PUSL1: variants seen among roughly 807,000 people sequenced by gnomAD.
PUSL1 encodes pseudouridine synthase like 1, also known as tRNA pseudouridine synthase-like 1.
In PUSL1, 51 loss-of-function variants were observed where a neutral mutation model predicts 30.7. The ratio of observed to expected loss-of-function variants is 1.66; its 90% CI spans 1.33 to 2.10. The LOEUF (loss-of-function observed/expected upper bound fraction) is 2.10. Among genes scored for constraint, PUSL1 ranks in the 30% most tolerant of loss-of-function variants. The pLI, the probability that PUSL1 is intolerant of heterozygous loss-of-function variation, is 0.00. For synonymous variants in PUSL1, 290 were observed against 192.1 expected, an observed-to-expected ratio of 1.51 and a Z score of -4.21; for missense variants, 609 against 427.6, an observed-to-expected ratio of 1.42 and a Z score of -3.74.
At position 1,309,210 on chromosome 1, in the gene PUSL1, C is replaced by T. The variant is rs1045224696; in HGVS notation, c.260C>T (p.Pro87Leu). The T allele has an allele frequency of 2.1e-5, 32 of 1,522,782 alleles. No homozygotes were observed. Among genetic ancestry groups the T allele is most frequent in the Non-Finnish European group, 2.7e-5 (31 of 1,143,706 alleles). 94.3% of individuals were successfully genotyped at this position (1,522,782 alleles called of 1,614,324 possible). Reference sequence around the variant, plus strand: ...GACGTCCAGCGCCGCTCAGGCCGGCCGCCCTTCCCGCCCGAGGTCCTGGCC... The same window carrying T: ...GACGTCCAGCGCCGCTCAGGCCGGCTGCCCTTCCCGCCCGAGGTCCTGGCC... ...HLDVQRRSGRPPFPPEVLAEA... is the reference protein window; with the variant it reads ...HLDVQRRSGRLPFPPEVLAEA... The change falls in exon 3 of 8, where the codon CCG (proline) becomes CTG (leucine). Residue 87 changes from proline to leucine, a missense_variant. By Grantham distance (98) the Pro-to-Leu change is moderately conservative. Transcript: ENST00000379031.
intron 5 of PUSL1, 134 bp downstream of exon 5, chr1:1,309,985 G>GA: frequency 1.4e-6 from 1 of 704,656 alleles, no homozygotes; most frequent in Non-Finnish European, 2.3e-6. Context: ...TGGACAGCTG[G>GA]AGGGGATTCG....
Position 1,311,398 on chromosome 1 carries a change from A to C in PUSL1, c.*19A>C. The C allele has an allele frequency of 1.2e-6, 2 of 1,600,306 alleles. No individual in the cohort carries two copies. The highest frequency in any genetic ancestry group is 1.7e-6 in the Non-Finnish European group (2 of 1,174,160). ...CGGATGACCCTGGACACTCAAGCCAAAGTTAGGCCACACCAGGCCCAACCC... is the reference window on the plus strand; with the variant it reads ...CGGATGACCCTGGACACTCAAGCCACAGTTAGGCCACACCAGGCCCAACCC... On this transcript the variant is annotated 3_prime_UTR_variant, in exon 8 of 8. Transcript: ENST00000379031.
In PUSL1 at chr1:1,311,585, G is replaced by T. The variant is rs746666267; in HGVS notation, c.*206G>T. ...AGGACACAGCCATGTACACCAAGAA[G>T]AGAGTACCAAGTAGTCTTTTGTTCA... On this transcript the variant is annotated 3_prime_UTR_variant, in exon 8 of 8. Coordinates refer to ENST00000379031, the MANE Select transcript of PUSL1 (RefSeq NM_153339.3). The T allele has an allele frequency of 1.4e-6, 1 of 721,598 alleles. No individual in the cohort carries two copies. Among genetic ancestry groups the T allele is most frequent in the African/African-American group, 1.7e-5 (1 of 57,624 alleles). The allele number at this position is 721,598 out of a possible 1,614,324, so 44.7% of individuals were successfully genotyped here.
rs1272119566 is a variant in PUSL1, at chr1:1,309,239, G to A, written c.289G>A (p.Ala97Thr). Residue 97 changes from alanine to threonine, a missense_variant, in exon 3 of 8, where the codon GCC becomes ACC. By Grantham distance (58) the Ala-to-Thr change is moderately conservative. Transcript: ENST00000379031. ...PPFPPEVLAE[A>T]LNTHLRHPAI... ...CTTCCCGCCCGAGGTCCTGGCCGAG[G>A]CCCTCAACACACACCTGCGGCACCC... is the stretch of plus-strand genomic sequence containing the variant. 1 of 1,512,414 alleles carries A rather than the reference G, an allele frequency of 6.6e-7. No individual in the cohort carries two copies. The highest frequency in any genetic ancestry group is 1.3e-5 in the South Asian group (1 of 77,758). The allele number at this position is 1,512,414 out of a possible 1,614,324, so 93.7% of individuals were successfully genotyped here.
Position 1,311,476 on chromosome 1 carries a change from G to C in PUSL1, c.*97G>C, listed in dbSNP as rs777053548. ...GCTGCTTGGGGCCCACAGCACTGCT[G>C]CCTGGTCTCCACAGTAGCCTCCCTG... On this transcript the variant is annotated 3_prime_UTR_variant, in exon 8 of 8. Transcript: ENST00000379031. 1.6e-6 allele frequency: 2 copies of C among 1,283,206 alleles called. No homozygotes were observed. The highest frequency in any genetic ancestry group is 1.5e-5 in the African/African-American group (1 of 68,224). 79.5% of individuals were successfully genotyped at this position (1,283,206 alleles called of 1,614,324 possible).
In PUSL1 at chr1:1,308,988, C is replaced by T; in HGVS notation, c.135+16C>T. 7.1e-7 allele frequency: 1 copy of T among 1,403,684 alleles called. No homozygotes were observed. 87.0% of individuals were successfully genotyped at this position (1,403,684 alleles called of 1,614,324 possible). On this transcript the variant is annotated intron_variant, in intron 2 of 7. Transcript: ENST00000379031. ...CTACCTGGAGGTGCGCTCAGCCGGT[C>T]ACGGGACGCCCGGTGAGGGGTAAGG...
At chr1:1,311,260 G>A (rs1489568563) in intron 7 of PUSL1, 70 bp from the exon 8 acceptor site, 3 of 1,447,160 alleles carry the variant, frequency 2.1e-6, no homozygotes, top group Non-Finnish European at 2.8e-6. Flanking sequence ...TCATGGGAGT[G>A]GTCTCAGCGG....
At position 1,311,356 on chromosome 1, in the gene PUSL1, C is replaced by T; in HGVS notation, c.889C>T (p.Pro297Ser). The T allele has an allele frequency of 2.5e-6, 4 of 1,594,878 alleles. No homozygotes were observed. The highest frequency in any genetic ancestry group is 3.4e-6 in the Non-Finnish European group (4 of 1,168,954). The change falls in exon 8 of 8, where the codon CCA becomes TCA. Residue 297 changes from proline to serine, a missense_variant. Pro to Ser is a moderately conservative substitution (Grantham distance 74). Coordinates refer to ENST00000379031, the MANE Select transcript of PUSL1 (RefSeq NM_153339.3). ...TGCTGCCTCCTGCACCCTGCAGGGGCCACAGTTCGGGAGCCACGGATGACC... is the reference window on the plus strand; with the variant it reads ...TGCTGCCTCCTGCACCCTGCAGGGGTCACAGTTCGGGAGCCACGGATGACC... ...LGAASCTLQGPQFGSHG is the reference protein window; with the variant it reads ...LGAASCTLQGSQFGSHG
chr1:1,310,297 G>C, intron 5 of PUSL1: 2 of 387,602 alleles, frequency 5.2e-6, no homozygotes, highest in South Asian at 8.1e-5. Flanking sequence ...GCAGGTACAG[G>C]ACTGGGGGTC....
chr1:1,311,144 G>C, intron 7 of PUSL1, 73 bp downstream of exon 7: 1 of 1,529,508 alleles, frequency 6.5e-7, no homozygotes, highest in Non-Finnish European at 8.8e-7. Context: ...GGGGTGGGGG[G>C]CCAGGGGCCA....
rs140444081 is a variant in PUSL1, at chr1:1,311,071, G to A, written c.862G>A (p.Gly288Ser). Reference sequence around the variant, plus strand: ...CAAGTCAGTGCTGTACGGGAACCTCGGTAAGAAAAACAGGCACGAGAAGCT... The same window carrying A: ...CAAGTCAGTGCTGTACGGGAACCTCAGTAAGAAAAACAGGCACGAGAAGCT... ...FLKSVLYGNL[G>S]AASCTLQGPQ... Residue 288 changes from glycine (G) to serine (S), a missense_variant and splice_region_variant, in exon 7 of 8, where the codon GGT becomes AGT. Coordinates refer to ENST00000379031, the MANE Select transcript of PUSL1 (RefSeq NM_153339.3). 1.8e-4 allele frequency: 288 copies of A among 1,595,228 alleles called. No individual in the cohort carries two copies. Among genetic ancestry groups the A allele is most frequent in the Non-Finnish European group, 2.3e-4 (268 of 1,166,880 alleles).
Position 1,309,570 on chromosome 1 carries a change from T to C in PUSL1, c.440T>C (p.Phe147Ser), listed in dbSNP as rs748094039. The stretch of plus-strand genomic sequence containing the variant: ...CACCGGCGTGATGAGCTGCCGGTGT[T>C]TGAACGCAACCTATGCTGGACTCTC... ...GCHRRDELPVFERNLCWTLPA... is the reference protein window; with the variant it reads ...GCHRRDELPVSERNLCWTLPA... The change falls in exon 4 of 8, where the codon TTT becomes TCT. Residue 147 changes from phenylalanine to serine, a missense_variant. Physicochemically the swap from Phe to Ser is radical, Grantham distance 155. Transcript: ENST00000379031. 7 of 1,612,140 alleles carry C rather than the reference T, an allele frequency of 4.3e-6. No individual in the cohort carries two copies. Among genetic ancestry groups the C allele is most frequent in the South Asian group, 1.1e-5 (1 of 91,046 alleles).
At chr1:1,310,744 C>T in intron 6 of PUSL1, 56 bp downstream of exon 6, 1 of 1,603,302 alleles carries the variant, frequency 6.2e-7, no homozygotes, top group East Asian at 2.2e-5. Flanking sequence ...GGGCAGGCCC[C>T]TGTGCAGTCT....
chr1:1,309,312 C>A (rs1289984075), intron 3 of PUSL1, 39 bp downstream of exon 3: 5 of 1,456,256 alleles, frequency 3.4e-6, no homozygotes, highest in Non-Finnish European at 4.6e-6. Context: ...GCTGTGCCTT[C>A]CCGACTCCAT....
intron 7 of PUSL1, 63 bp from the exon 8 acceptor site, chr1:1,311,267 G>T (rs747650421): frequency 1.4e-6 from 2 of 1,467,248 alleles, no homozygotes; most frequent in African/African-American, 1.4e-5. Flanking sequence ...AGTGGTCTCA[G>T]CGGTGGGGAG....
Position 1,308,945 on chromosome 1 carries a change from C to T in PUSL1, c.108C>T (p.Arg36=), listed in dbSNP as rs1641924662. ...TCGCGGCCGTCAGGGGCACTCAGCG[C>T]GCCGTCGGGGTCCAGAACTACCTGG... ...NGVAAVRGTQ[R]AVGVQNYLEE... is the part of the protein sequence containing the mutation. Residue 36 remains arginine, a synonymous_variant, in exon 2 of 8, where the codon CGC becomes CGT. Coordinates refer to ENST00000379031, the MANE Select transcript of PUSL1 (RefSeq NM_153339.3). The T allele has an allele frequency of 4.2e-6, 6 of 1,420,848 alleles. No homozygotes were observed. The highest frequency in any genetic ancestry group is 2.9e-5 in the East Asian group (1 of 35,014). The allele number at this position is 1,420,848 out of a possible 1,614,324, so 88.0% of individuals were successfully genotyped here.
chr1:1,310,080 C>T (rs899623586), intron 5 of PUSL1: 5 of 525,730 alleles, frequency 9.5e-6, no homozygotes, highest in Admixed American at 3.7e-5. Context: ...TCTGAAAAAC[C>T]CCTGCCATGC....
chr1:1,309,606 G>C lies in PUSL1; in HGVS notation c.473+3G>C. The C allele has an allele frequency of 6.2e-7, 1 of 1,608,912 alleles. No homozygotes were observed. ...CTATGCTGGACTCTCCCGGCAGAGT[G>C]AGTGTGGCCCTGACAGCGGGGAGGG... is the stretch of plus-strand genomic sequence containing the variant. On this transcript the variant is annotated splice_donor_region_variant and intron_variant, in intron 4 of 7. Coordinates refer to ENST00000379031, the MANE Select transcript of PUSL1 (RefSeq NM_153339.3).
Position 1,311,130 on chromosome 1 carries a change from G to A in PUSL1, c.862+59G>A, listed in dbSNP as rs1642120286. 7 of 1,547,598 alleles carry A rather than the reference G, an allele frequency of 4.5e-6. No individual in the cohort carries two copies. In the South Asian group the frequency reaches 4.9e-5, roughly 11 times the overall value. On this transcript the variant is annotated intron_variant, in intron 7 of 7. Coordinates refer to ENST00000379031, the MANE Select transcript of PUSL1 (RefSeq NM_153339.3). ...GTGCCCAGTGACTACTGTGGCCGAG[G>A]CATGGGGTGGGGGGCCAGGGGCCAC... is the stretch of plus-strand genomic sequence containing the variant.
Sources: gnomAD v4.1 joint callset for allele counts on GRCh38, gnomAD v4.1.1 for gene constraint, MANE v1.5 for transcripts, NCBI Gene and HGNC (gene_info 2026-07-23, HGNC 2026-07-21) for gene names.